Variants in HECTD2 observed in about 807,000 individuals in gnomAD.
HECTD2 encodes the protein probable E3 ubiquitin-protein ligase HECTD2.
HECTD2 carries 35 observed loss-of-function variants against 103.2 expected under a neutral mutation model. The ratio of observed to expected loss-of-function variants is 0.34; its 90% CI spans 0.26 to 0.45. The LOEUF (loss-of-function observed/expected upper bound fraction) is 0.45. HECTD2 is among the 20% of genes least tolerant of loss of function. The pLI is 1.00. For missense variants in HECTD2, 596 were observed against 937.4 expected, an observed-to-expected ratio of 0.64 and a Z score of 4.76; for synonymous variants, 281 against 329.9, an observed-to-expected ratio of 0.85 and a Z score of 1.61.
rs750650460 is a variant in HECTD2 at position 91,500,659 on chromosome 10, GA to G, written c.2066+44del. On this transcript the variant is annotated intron_variant, in intron 19 of 20. Coordinates refer to ENST00000298068, the MANE Select transcript of HECTD2 (RefSeq NM_182765.6). ...TCTGATAGTGGGGGATGTGGAGAGG[GA>G]ACAGCAGACAGTGTGGTTCATTTAT... 7 of 928,854 alleles carry G rather than the reference GA, an allele frequency of 7.5e-6. No homozygotes were observed. In the East Asian group the frequency reaches 1.7e-4, roughly 22 times the overall value. 57.5% of individuals were successfully genotyped at this position (928,854 alleles called of 1,614,324 possible).
At chr10:91,499,853 A>C (rs190650280) in intron 18 of HECTD2, among the ~76,000 whole-genome samples, 1 of 152,276 alleles carries the variant, frequency 6.6e-6, no homozygotes, top group East Asian at 1.9e-4. Context: ...GGGCAAAACC[A>C]AGTGGCTTAC....
intron 2 of HECTD2, among the ~76,000 whole-genome samples, chr10:91,433,742 C>T (rs1589475742): frequency 2.6e-5 from 4 of 152,012 alleles, no homozygotes; most frequent in Middle Eastern, 6.8e-3. Context: ...AATGCATGTA[C>T]AGTCACCTTG....
chr10:91,432,113 A>G (rs973328847), intron 2 of HECTD2, among the ~76,000 whole-genome samples: 5 of 151,962 alleles, frequency 3.3e-5, no homozygotes, highest in African/African-American at 9.7e-5. Context: ...CTTTTATTGA[A>G]TAGAAAGTTA....
At position 91,493,444 on chromosome 10, in the gene HECTD2, C is replaced by A; in HGVS notation, c.1457C>A (p.Ser486Ter). Residue 486 changes from serine (S) to a stop codon, truncating the protein, a stop_gained, in exon 14 of 21, where the codon TCA becomes TAA. Coordinates refer to ENST00000298068, the MANE Select transcript of HECTD2 (RefSeq NM_182765.6). LOFTEE classifies it high-confidence loss of function. ...DYGMFTYHKD[S>*]HCHWFSSFKC... Reference sequence around the variant, plus strand: ...GGCATGTTTACATATCACAAGGATTCACACTGCCATTGGTTTAGCAGCTTT... The same window carrying A: ...GGCATGTTTACATATCACAAGGATTAACACTGCCATTGGTTTAGCAGCTTT... 1 of 1,546,940 alleles carries A rather than the reference C, an allele frequency of 6.5e-7. No individual in the cohort carries two copies. Among genetic ancestry groups the A allele is most frequent in the Non-Finnish European group, 8.7e-7 (1 of 1,148,892 alleles).
chr10:91,422,875 G>A (rs1843413075), intron 1 of HECTD2, among the ~76,000 whole-genome samples: 1 of 152,126 alleles, frequency 6.6e-6, no homozygotes, highest in Admixed American at 6.6e-5. Context: ...GATCCCACAA[G>A]TGAACTAAGC....
At chr10:91,436,585 C>T (rs1271531606) in intron 2 of HECTD2, among the ~76,000 whole-genome samples, 1 of 151,978 alleles carries the variant, frequency 6.6e-6, no homozygotes, top group Non-Finnish European at 1.5e-5. Context: ...CTTTTTTACC[C>T]TCTCCAAATA....
chr10:91,458,228 A>G (rs1452797409), intron 2 of HECTD2, among the ~76,000 whole-genome samples: 2 of 152,128 alleles, frequency 1.3e-5, no homozygotes, highest in East Asian at 3.9e-4. Flanking sequence ...TCTAGCAAAC[A>G]TTACAGAATA....
At chr10:91,485,557 T>A (rs986185362) in intron 10 of HECTD2, 7 of 326,880 alleles carry the variant, frequency 2.1e-5, no homozygotes, top group African/African-American at 1.6e-4. Flanking sequence ...TATCTTAATA[T>A]GCAGTCTCTT....
intron 1 of HECTD2, among the ~76,000 whole-genome samples, chr10:91,414,156 C>T (rs529687233): frequency 1.4e-4 from 21 of 152,240 alleles, no homozygotes; most frequent in Non-Finnish European, 2.6e-4. Context: ...AGAGGTTCTA[C>T]ATGGGGTAGA....
intron 16 of HECTD2, among the ~76,000 whole-genome samples, chr10:91,498,547 C>A (rs1030127513): frequency 1.3e-5 from 2 of 152,140 alleles, no homozygotes; most frequent in Admixed American, 6.6e-5. Context: ...ACTCCTTTTA[C>A]AGTATTTGGG....
chr10:91,430,534 C>T (rs1044961397), intron 2 of HECTD2, among the ~76,000 whole-genome samples: 7 of 152,004 alleles, frequency 4.6e-5, no homozygotes, highest in African/African-American at 9.7e-5. Flanking sequence ...GTAGGTCACT[C>T]AGGACTTGTT....
intron 2 of HECTD2, among the ~76,000 whole-genome samples, chr10:91,446,014 C>T (rs1485563748): frequency 6.6e-6 from 1 of 151,916 alleles, no homozygotes; most frequent in African/African-American, 2.4e-5. Flanking sequence ...AACCCAGTGG[C>T]GCCTAGAACA....
chr10:91,433,979 G>A (rs7910115), intron 2 of HECTD2, among the ~76,000 whole-genome samples: 15,017 of 151,626 alleles, frequency 0.099, 1,588 homozygotes, highest in African/African-American at 0.27. Context: ...TATAGAGAGG[G>A]GACTTTCAAA....
intron 2 of HECTD2, among the ~76,000 whole-genome samples, chr10:91,434,470 GC>G (rs1844028468): frequency 6.6e-6 from 1 of 151,970 alleles, no homozygotes; most frequent in East Asian, 1.9e-4. Context: ...AGATAACTTA[GC>G]CCTCTTGTTT....
chr10:91,437,969 A>G lies in HECTD2; in HGVS notation c.268+12559A>G, dbSNP rs12240933. ...AACACTTTTTTTAAAAAAACAATTT[A>G]TTAGAGCATAATTATATTAAGCAGA... On this transcript the variant is annotated intron_variant, in intron 2 of 20. Coordinates refer to ENST00000298068, the MANE Select transcript of HECTD2 (RefSeq NM_182765.6). Among the ~76,000 whole-genome samples the G allele has an allele frequency of 6.0e-3, 909 of 152,134 alleles. 7 individuals carry two copies. The highest frequency in any genetic ancestry group is 0.02 in the African/African-American group (851 of 41,526).
At chr10:91,437,065 A>G (rs145797571) in intron 2 of HECTD2, among the ~76,000 whole-genome samples, 3 of 152,154 alleles carry the variant, frequency 2.0e-5, no homozygotes, top group African/African-American at 7.2e-5. Flanking sequence ...AGATTACGTG[A>G]TTTCTGTTTA....
At chr10:91,460,881 G>T (rs1298901345) in intron 3 of HECTD2, among the ~76,000 whole-genome samples, 1 of 152,138 alleles carries the variant, frequency 6.6e-6, no homozygotes, top group African/African-American at 2.4e-5. Flanking sequence ...CATTTATGAT[G>T]TGACACATAC....
chr10:91,468,418 G>A (rs755145753), intron 5 of HECTD2, among the ~76,000 whole-genome samples: 30 of 152,098 alleles, frequency 2.0e-4, no homozygotes, highest in Non-Finnish European at 3.8e-4. Context: ...AATCCCATTC[G>A]AAGGGTAGCA....
intron 14 of HECTD2, among the ~76,000 whole-genome samples, chr10:91,495,035 A>G (rs548627513): frequency 2.6e-5 from 4 of 152,148 alleles, no homozygotes; most frequent in Middle Eastern, 6.8e-3. Flanking sequence ...TAGATATTCT[A>G]TATTTCAAGT....
Sources: gnomAD v4.1 joint callset for allele counts (sites outside exome capture counted in the v4.1 genomes callset) on GRCh38, gnomAD v4.1.1 for gene constraint, MANE v1.5 for transcripts, NCBI Gene and HGNC (gene_info 2026-07-23, HGNC 2026-07-21) for gene names.